The following DAB1 variants were observed in gnomAD, a reference collection of about 807,000 sequenced individuals.
The protein encoded by DAB1 is DAB adaptor protein 1.
DAB1 carries 15 observed loss-of-function variants against 64.6 expected under a neutral mutation model. The observed-to-expected ratio is 0.23, with a 90% CI of 0.16 to 0.36. The LOEUF (loss-of-function observed/expected upper bound fraction) is 0.36. DAB1 is among the 10% of genes least tolerant of loss of function. DAB1 has a pLI of 1.00. For synonymous variants in DAB1, 235 were observed against 251.9 expected (o/e 0.93, Z 0.64); for missense variants, 596 against 706.7 (o/e 0.84, Z 1.78).
At chr1:57,169,384 G>T (rs984172829) in intron 2 of DAB1, among the ~76,000 whole-genome samples, 1 of 152,146 alleles carries the variant, frequency 6.6e-6, no homozygotes, top group Non-Finnish European at 1.5e-5. Flanking sequence ...CCATAATGTA[G>T]TCACTGTTAT....
chr1:57,265,643 G>C (rs1194182854), intron 2 of DAB1, among the ~76,000 whole-genome samples: 1 of 152,156 alleles, frequency 6.6e-6, no homozygotes, highest in East Asian at 1.9e-4. Flanking sequence ...CTTTAGTCAA[G>C]TTTGAGTTCT....
chr1:57,882,187 CAG>C (rs1385934546), intron 1 of DAB1, among the ~76,000 whole-genome samples: 1 of 152,148 alleles, frequency 6.6e-6, no homozygotes, highest in Non-Finnish European at 1.5e-5. Context: ...TGAGGGGAAA[CAG>C]TGCTTTAAAA....
chr1:57,195,109 C>T (rs1417388044), intron 2 of DAB1, among the ~76,000 whole-genome samples: 1 of 152,176 alleles, frequency 6.6e-6, no homozygotes, highest in East Asian at 1.9e-4. Context: ...CTGATTTGGG[C>T]TTCCCTATCT....
intron 6 of DAB1, among the ~76,000 whole-genome samples, chr1:57,808,060 T>C (rs1481621181): frequency 1.3e-5 from 2 of 152,140 alleles, no homozygotes; most frequent in African/African-American, 2.4e-5. Flanking sequence ...TCAAAAGATA[T>C]ATGTTGTTTT....
intron 2 of DAB1, among the ~76,000 whole-genome samples, chr1:57,149,315 A>G (rs796679880): frequency 3.9e-5 from 6 of 152,280 alleles, no homozygotes; most frequent in African/African-American, 1.4e-4. Context: ...GTGTGGCTGT[A>G]TATATTCAAT....
At position 57,149,222 on chromosome 1, in the gene DAB1, C is replaced by G. The variant is rs182644822; in HGVS notation, c.68-3793G>C. Among the ~76,000 whole-genome samples, 59 of 152,238 alleles carry G rather than the reference C, an allele frequency of 3.9e-4. 2 individuals are homozygous for G. In the East Asian group the frequency reaches 6.4e-3, roughly 16 times the overall value. On this transcript the variant is annotated intron_variant, in intron 2 of 14. Coordinates refer to ENST00000371236, the MANE Select transcript of DAB1 (RefSeq NM_001365792.1). The stretch of plus-strand genomic sequence containing the variant: ...ATTATTCTATTGTGTGGTTATACCA[C>G]ATTAGCTCATAGATCTTTGGGTTGT...
chr1:57,852,053 C>T (rs1321221702), intron 1 of DAB1, among the ~76,000 whole-genome samples: 2 of 152,238 alleles, frequency 1.3e-5, no homozygotes, highest in Non-Finnish European at 2.9e-5. Context: ...CAAGGTCCTT[C>T]TGACCTTCCC....
In DAB1 at chr1:57,863,431, T is replaced by C. The variant is rs528682628; in HGVS notation, n.87+20568A>G. ...TACTTCAAACATATACAGTTTATTA[T>C]ACATCAAATACGCCAATAGAACTTA... On this transcript the variant is annotated intron_variant and non_coding_transcript_variant, in intron 1 of 1. Transcript: ENST00000477280. Among the ~76,000 whole-genome samples, 180 of 152,326 alleles carry C rather than the reference T, an allele frequency of 1.2e-3. 3 individuals are homozygous for C. In the South Asian group the frequency reaches 0.037, roughly 31 times the overall value.
chr1:58,391,789 G>C (rs781474058), intron 3 of DAB1, among the ~76,000 whole-genome samples: 2 of 152,152 alleles, frequency 1.3e-5, no homozygotes, highest in African/African-American at 4.8e-5. Context: ...TGCAATGTGT[G>C]TAAGAATGTC....
intron 4 of DAB1, among the ~76,000 whole-genome samples, chr1:57,080,121 T>C (rs1652353672): frequency 6.6e-6 from 1 of 152,222 alleles, no homozygotes; most frequent in Non-Finnish European, 1.5e-5. Context: ...TTCAGTAATG[T>C]GGCATTAAGC....
At chr1:58,510,637 G>C (rs1646059517) in intron 2 of DAB1, among the ~76,000 whole-genome samples, 1 of 151,838 alleles carries the variant, frequency 6.6e-6, no homozygotes, top group African/African-American at 2.4e-5. Flanking sequence ...AATGAGGCAA[G>C]AGAAAGAAAT....
chr1:57,049,990 CCACTG>C (rs1649011519), intron 9 of DAB1, among the ~76,000 whole-genome samples: 1 of 152,274 alleles, frequency 6.6e-6, no homozygotes, highest in Admixed American at 6.5e-5. Flanking sequence ...CTCTGGGCTC[CCACTG>C]GGCAGTGCTC....
At chr1:57,368,212 G>A (rs1326474157) in intron 1 of DAB1, among the ~76,000 whole-genome samples, 1 of 152,214 alleles carries the variant, frequency 6.6e-6, no homozygotes, top group African/African-American at 2.4e-5. Flanking sequence ...GGGGCTGAGA[G>A]CAGCTCAGTG....
chr1:57,291,645 A>G (rs1476260141), intron 1 of DAB1, among the ~76,000 whole-genome samples: 3 of 152,188 alleles, frequency 2.0e-5, no homozygotes, highest in Non-Finnish European at 1.5e-5. Flanking sequence ...GTTGACATAC[A>G]AATGGGCTCC....
At chr1:57,500,193 A>G (rs530018165) in intron 7 of DAB1, among the ~76,000 whole-genome samples, 2 of 152,356 alleles carry the variant, frequency 1.3e-5, no homozygotes, top group African/African-American at 4.8e-5. Context: ...AAGAGATGCT[A>G]TATCTCCCCC....
At chr1:57,474,314 G>A (rs921502796) in intron 7 of DAB1, among the ~76,000 whole-genome samples, 3 of 152,104 alleles carry the variant, frequency 2.0e-5, no homozygotes, top group African/African-American at 7.2e-5. Context: ...TTTTTTGCTA[G>A]GAAAATGAAT....
rs35389635 is a variant in DAB1 at position 57,035,833 on chromosome 1, C to CTTTT, written c.724-9794_724-9791dup. The stretch of plus-strand genomic sequence containing the variant: ...GGCTCATTTCAGTAACGCACATGCA[C>CTTTT]TTTTTTTTTTTTTTTTTTTTTTTTT... On this transcript the variant is annotated intron_variant, in intron 9 of 14. Coordinates refer to ENST00000371236, the MANE Select transcript of DAB1 (RefSeq NM_001365792.1). Among the ~76,000 whole-genome samples the CTTTT allele has an allele frequency of 1.0e-3, 63 of 61,916 alleles. 12 individuals carry two copies. The highest frequency in any genetic ancestry group is 2.8e-3 in the African/African-American group (43 of 15,562). 40.6% of individuals were successfully genotyped at this position (61,916 alleles called of 152,430 possible). A position where few individuals can be genotyped will look rare whatever the true frequency, so the allele number is the denominator to read the frequency against.
At chr1:57,923,203 C>G (rs1644834763) in intron 5 of DAB1, among the ~76,000 whole-genome samples, 1 of 152,024 alleles carries the variant, frequency 6.6e-6, no homozygotes, top group Admixed American at 6.6e-5. Flanking sequence ...TAAAAGAGCT[C>G]AACCAGGAAT....
intron 2 of DAB1, among the ~76,000 whole-genome samples, chr1:57,181,032 G>A (rs888446923): frequency 7.2e-5 from 11 of 152,206 alleles, no homozygotes; most frequent in African/African-American, 2.7e-4. Context: ...ACCATCATGT[G>A]TGTGGGCATC....
Sources: gnomAD v4.1 joint callset for allele counts (sites outside exome capture counted in the v4.1 genomes callset) on GRCh38, gnomAD v4.1.1 for gene constraint, MANE v1.5 for transcripts, NCBI Gene and HGNC (gene_info 2026-07-23, HGNC 2026-07-21) for gene names.